Variants in NRXN3 observed in about 807,000 individuals in gnomAD.
NRXN3 encodes neurexin 3.
In NRXN3, 32 loss-of-function variants were observed where a neutral mutation model predicts 137.6. The ratio of observed to expected loss-of-function variants is 0.23; its 90% confidence interval spans 0.18 to 0.31. The LOEUF (loss-of-function observed/expected upper bound fraction) is 0.31. Ranked by LOEUF, NRXN3 falls within the 10% of genes least tolerant of loss-of-function variation. The pLI, the probability that NRXN3 is intolerant of heterozygous loss-of-function variation, is 1.00. For missense variants in NRXN3, 1,574 were observed against 2,062.5 expected (o/e 0.76, Z 4.59); for synonymous variants, 798 against 784.5 (o/e 1.02, Z -0.29).
At chr14:78,925,875 C>T (rs2099287965) in intron 10 of NRXN3, among the ~76,000 whole-genome samples, 1 of 152,156 alleles carries the variant, frequency 6.6e-6, no homozygotes, top group Non-Finnish European at 1.5e-5. Context: ...GCTGCTTCTT[C>T]TCTGAAAAGG....
intron 15 of NRXN3, among the ~76,000 whole-genome samples, chr14:79,047,542 A>G (rs2099634858): frequency 6.6e-6 from 1 of 152,156 alleles, no homozygotes; most frequent in Non-Finnish European, 1.5e-5. Flanking sequence ...GGGAGAAAAT[A>G]TTTTCAGGAT....
At chr14:79,806,212 AAAAGG>A (rs1388048250) in intron 20 of NRXN3, among the ~76,000 whole-genome samples, 1 of 152,170 alleles carries the variant, frequency 6.6e-6, no homozygotes, top group Non-Finnish European at 1.5e-5. Flanking sequence ...TCCTTTTAAG[AAAAGG>A]AAAGCCATTA....
intron 6 of NRXN3, among the ~76,000 whole-genome samples, chr14:78,665,111 G>A (rs2097872169): frequency 6.6e-6 from 1 of 152,172 alleles, no homozygotes; most frequent in African/African-American, 2.4e-5. Flanking sequence ...GGTTGAAGGA[G>A]ACTAAGAATA....
At chr14:79,438,551 G>T (rs2095879904) in intron 15 of NRXN3, among the ~76,000 whole-genome samples, 1 of 152,104 alleles carries the variant, frequency 6.6e-6, no homozygotes, top group South Asian at 2.1e-4. Flanking sequence ...TTTCAAGTAA[G>T]CACTTTATAA....
Position 79,861,185 on chromosome 14 carries a change from T to A in NRXN3, c.4094-157T>A. On this transcript the variant is annotated intron_variant, in intron 20 of 20. Transcript: ENST00000335750. The surrounding 1 kb of genome is among the most constrained non-coding windows in gnomAD (Gnocchi z 5.4). ...CACCAAAGATTCCCTGTCCATGACC[T>A]CTGAGGCGGGGTTACCTTGCTTGTC... 2.6e-6 allele frequency: 4 copies of A among 1,532,596 alleles called. No homozygotes were observed. Among genetic ancestry groups the A allele is most frequent in the Non-Finnish European group, 1.7e-6 (2 of 1,145,490 alleles). The allele number at this position is 1,532,596 out of a possible 1,614,324, so 94.9% of individuals were successfully genotyped here. A position where few individuals can be genotyped will look rare whatever the true frequency, so the allele number is the denominator to read the frequency against.
At chr14:78,482,217 T>A (rs1052824052) in intron 4 of NRXN3, among the ~76,000 whole-genome samples, 15 of 152,228 alleles carry the variant, frequency 9.9e-5, no homozygotes, top group African/African-American at 3.6e-4. Flanking sequence ...TGATATTGTT[T>A]CCATGTTACA....
intron 19 of NRXN3, among the ~76,000 whole-genome samples, chr14:79,753,587 G>T (rs2099006831): frequency 9.2e-6 from 1 of 108,178 alleles, no homozygotes; most frequent in Non-Finnish European, 1.8e-5. Flanking sequence ...GGGGGAGGGG[G>T]GAGGGATAGC....
Position 78,822,987 on chromosome 14 carries a change from TC to T in NRXN3, c.2275+12646del, listed in dbSNP as rs374646559. 3.6e-3 allele frequency among the ~76,000 whole-genome samples: 542 copies of T among 152,264 alleles called. 6 individuals are homozygous for T. Among genetic ancestry groups the T allele is most frequent in the African/African-American group, 0.012 (516 of 41,562 alleles). On this transcript the variant is annotated intron_variant, in intron 10 of 20. Transcript: ENST00000335750. The stretch of plus-strand genomic sequence containing the variant: ...AAGTCTTGACCTTCCAGAGTCAAGC[TC>T]CCTCAGCTCAGCTCTATAGGCATAT...
chr14:78,872,252 TA>T (rs201204738), intron 10 of NRXN3, among the ~76,000 whole-genome samples: 7,978 of 147,768 alleles, frequency 0.054, 397 homozygotes, highest in East Asian at 0.27. Context: ...ATATATTTAT[TA>T]TATATGTATA....
intron 19 of NRXN3, among the ~76,000 whole-genome samples, chr14:79,700,002 G>A (rs2098749051): frequency 6.6e-6 from 1 of 151,966 alleles, no homozygotes; most frequent in Admixed American, 6.6e-5. Flanking sequence ...TTCTGCCAAG[G>A]GTTTTGGAAA....
At chr14:79,129,453 A>G (rs1377253788) in intron 15 of NRXN3, among the ~76,000 whole-genome samples, 1 of 150,404 alleles carries the variant, frequency 6.6e-6, no homozygotes, top group Non-Finnish European at 1.5e-5. Flanking sequence ...GTCATTCAGG[A>G]GCAGATTGTT....
At chr14:79,063,689 C>T (rs927963022) in intron 15 of NRXN3, among the ~76,000 whole-genome samples, 2 of 152,126 alleles carry the variant, frequency 1.3e-5, no homozygotes, top group Non-Finnish European at 2.9e-5. Flanking sequence ...CAAAGTTATG[C>T]CATTTTTTAA....
At chr14:78,786,033 A>G (rs778441375) in intron 8 of NRXN3, among the ~76,000 whole-genome samples, 1 of 152,188 alleles carries the variant, frequency 6.6e-6, no homozygotes, top group Non-Finnish European at 1.5e-5. Context: ...GTGTACTACA[A>G]TAACTATTTA....
chr14:78,176,076 G>A (rs2059238401), intron 1 of NRXN3, among the ~76,000 whole-genome samples: 1 of 152,138 alleles, frequency 6.6e-6, no homozygotes, highest in Admixed American at 6.5e-5. Flanking sequence ...AACCACATGG[G>A]TTTAGTGTTG....
At chr14:78,745,122 A>G (rs1045713907) in intron 8 of NRXN3, 1 of 152,238 alleles carries the variant, frequency 6.6e-6, no homozygotes, top group Non-Finnish European at 1.5e-5. Context: ...TTGCACTTGT[A>G]CTTTTCCTTT....
chr14:78,983,567 A>G (rs1420763911), intron 14 of NRXN3, among the ~76,000 whole-genome samples: 1 of 152,170 alleles, frequency 6.6e-6, no homozygotes, highest in Non-Finnish European at 1.5e-5. Context: ...GCCTTAAAAA[A>G]AAGTGGGAAG....
intron 15 of NRXN3, among the ~76,000 whole-genome samples, chr14:79,211,404 T>C (rs2067641213): frequency 6.6e-6 from 1 of 152,330 alleles, no homozygotes; most frequent in South Asian, 2.1e-4. Flanking sequence ...ATCTCTAAGA[T>C]GATGATGATA....
chr14:79,470,970 GT>G (rs2096498211), intron 16 of NRXN3, among the ~76,000 whole-genome samples: 1 of 150,618 alleles, frequency 6.6e-6, no homozygotes, highest in Non-Finnish European at 1.5e-5. Flanking sequence ...GTGTGTGTGT[GT>G]GTGTGTGTGT....
At chr14:79,271,486 C>T (rs1284042469) in intron 15 of NRXN3, among the ~76,000 whole-genome samples, 1 of 139,232 alleles carries the variant, frequency 7.2e-6, no homozygotes, top group Non-Finnish European at 1.6e-5. Context: ...TACCTTCCCC[C>T]TTCCTGTCTC....
Sources: gnomAD v4.1 joint callset for allele counts (sites outside exome capture counted in the v4.1 genomes callset) on GRCh38, gnomAD v4.1.1 for gene constraint, Gnocchi (gnomAD v3.1) non-coding constraint, MANE v1.5 for transcripts, NCBI Gene and HGNC (gene_info 2026-07-23, HGNC 2026-07-21) for gene names.